PDZD8: variants seen among roughly 807,000 people sequenced by gnomAD.
PDZD8 encodes the protein PDZ domain-containing protein 8.
In PDZD8, 14 loss-of-function variants were observed where a neutral mutation model predicts 85.8. The observed-to-expected ratio is 0.16, with a 90% CI of 0.11 to 0.26. The LOEUF is 0.26. PDZD8 is among the 10% of genes least tolerant of loss of function. The pLI, the probability that PDZD8 is intolerant of heterozygous loss-of-function variation, is 1.00. For synonymous variants in PDZD8, 592 were observed against 568.6 expected (o/e 1.04, Z -0.59); for missense variants, 1,197 against 1,424.3 (o/e 0.84, Z 2.57).
chr10:117,353,840 A>C (rs951656297), intron 1 of PDZD8, among the ~76,000 whole-genome samples: 1 of 151,980 alleles, frequency 6.6e-6, no homozygotes, highest in African/African-American at 2.4e-5. Context: ...GAATTAGAAA[A>C]ATTGTTCTGT....
intron 2 of PDZD8, among the ~76,000 whole-genome samples, chr10:117,340,069 T>C (rs1364975940): frequency 6.6e-6 from 1 of 152,180 alleles, no homozygotes; most frequent in African/African-American, 2.4e-5. Context: ...AAGATATGAA[T>C]ATAGCTTAAA....
chr10:117,364,210 G>C (rs995356877), intron 1 of PDZD8, among the ~76,000 whole-genome samples: 4 of 151,484 alleles, frequency 2.6e-5, no homozygotes, highest in East Asian at 1.9e-4. Context: ...GTGTGTGTGA[G>C]AGTGTGTGTG....
rs193134121 is a variant in PDZD8 at position 117,315,332 on chromosome 10, T to G, written c.1098+3540A>C. Among the ~76,000 whole-genome samples, 5 of 152,238 alleles carry G rather than the reference T, an allele frequency of 3.3e-5. No individual in the cohort carries two copies. The East Asian group carries it at 9.7e-4, about 29-fold the overall frequency. On this transcript the variant is annotated intron_variant, in intron 3 of 4. Coordinates refer to ENST00000334464, the MANE Select transcript of PDZD8 (RefSeq NM_173791.5). ...GTCTGAGGCCAGGCGCGGTGGCTCA[T>G]GCCCACAATTCAAGCACTTTGTGGG...
intron 3 of PDZD8, among the ~76,000 whole-genome samples, chr10:117,308,366 G>GA (rs1843979620): frequency 6.6e-6 from 1 of 151,854 alleles, no homozygotes; most frequent in Admixed American, 6.6e-5. Flanking sequence ...ACTTGTACAA[G>GA]AAAAAATAAA....
Position 117,277,770 on chromosome 10 carries a change from C to T in PDZD8, c.*5498G>A, listed in dbSNP as rs2133751152. Reference sequence around the variant, plus strand: ...ATGTTATTTAACTTGTAGTTACTATCAATATATTTATGCGTTAAACAGCTA... The same window carrying T: ...ATGTTATTTAACTTGTAGTTACTATTAATATATTTATGCGTTAAACAGCTA... On this transcript the variant is annotated 3_prime_UTR_variant, in exon 5 of 5. Transcript: ENST00000334464. The T allele has an allele frequency of 6.6e-6, 1 of 152,294 alleles. No individual in the cohort carries two copies. Among genetic ancestry groups the T allele is most frequent in the Non-Finnish European group, 1.5e-5 (1 of 68,066 alleles). 9.4% of individuals were successfully genotyped at this position (152,294 alleles called of 1,614,324 possible).
Position 117,285,138 on chromosome 10 carries a change from T to C in PDZD8, c.1595A>G (p.Lys532Arg). The change falls in exon 5 of 5, where the codon AAA becomes AGA. Residue 532 changes from lysine to arginine, a missense_variant. Physicochemically the swap from Lys to Arg is conservative, Grantham distance 26 (BLOSUM62 2). Transcript: ENST00000334464. ...PKRVPTTLSI[K>R]PLGAISPVLN... ...AACTGGTGATATAGCTCCAAGGGGT[T>C]TAATAGAAAGTGTTGTTGGAACACG... 6.2e-7 allele frequency: 1 copy of C among 1,614,118 alleles called. No homozygotes were observed. The highest frequency in any genetic ancestry group is 1.3e-5 in the African/African-American group (1 of 75,048).
At chr10:117,294,003 A>G (rs1184819415) in intron 3 of PDZD8, among the ~76,000 whole-genome samples, 3 of 152,190 alleles carry the variant, frequency 2.0e-5, no homozygotes, top group African/African-American at 7.2e-5. Flanking sequence ...TTCAAATGAA[A>G]TGATGAAAAT....
chr10:117,344,744 A>G (rs959234646), intron 1 of PDZD8, among the ~76,000 whole-genome samples: 10 of 152,110 alleles, frequency 6.6e-5, no homozygotes, highest in Admixed American at 2.0e-4. Flanking sequence ...CACAGCTCTC[A>G]TTTGGTGGGC....
chr10:117,280,150 T>C lies in PDZD8; in HGVS notation c.*3118A>G, dbSNP rs762653788. The C allele has an allele frequency of 6.6e-6, 1 of 152,204 alleles. No homozygotes were observed. Among genetic ancestry groups the C allele is most frequent in the Admixed American group, 6.5e-5 (1 of 15,284 alleles). 9.4% of individuals were successfully genotyped at this position (152,204 alleles called of 1,614,324 possible). A position where few individuals can be genotyped will look rare whatever the true frequency, so the allele number is the denominator to read the frequency against. On this transcript the variant is annotated 3_prime_UTR_variant, in exon 5 of 5. Transcript: ENST00000334464. ...CCACTTATTTCAAGTACTTCTGATA[T>C]TGAATATAAGGCTTGATATGAAGAA...
intron 3 of PDZD8, among the ~76,000 whole-genome samples, chr10:117,315,034 G>A (rs1735692703): frequency 6.6e-6 from 1 of 152,122 alleles, no homozygotes; most frequent in Admixed American, 6.5e-5. Flanking sequence ...GAATAGGTGG[G>A]TGTTTGTACT....
At chr10:117,339,333 T>G (rs1383479603) in intron 2 of PDZD8, among the ~76,000 whole-genome samples, 1 of 152,184 alleles carries the variant, frequency 6.6e-6, no homozygotes, top group South Asian at 2.1e-4. Flanking sequence ...AGCCGGAGGA[T>G]AGTATACTTG....
At chr10:117,329,893 G>A (rs567095840) in intron 2 of PDZD8, among the ~76,000 whole-genome samples, 6 of 149,522 alleles carry the variant, frequency 4.0e-5, no homozygotes, top group African/African-American at 1.5e-4. Flanking sequence ...TTGCAGTGAG[G>A]CAAGACCAAG....
At chr10:117,333,180 G>A (rs969901177) in intron 2 of PDZD8, among the ~76,000 whole-genome samples, 3 of 138,788 alleles carry the variant, frequency 2.2e-5, no homozygotes, top group Non-Finnish European at 4.7e-5. Context: ...CAGAAAGACC[G>A]AGGAACTCTG....
Position 117,280,324 on chromosome 10 carries a change from A to C in PDZD8, c.*2944T>G, listed in dbSNP as rs1844559930. 1 of 152,218 alleles carries C rather than the reference A, an allele frequency of 6.6e-6. No individual in the cohort carries two copies. Among genetic ancestry groups the C allele is most frequent in the African/African-American group, 2.4e-5 (1 of 41,458 alleles). 9.4% of individuals were successfully genotyped at this position (152,218 alleles called of 1,614,324 possible). On this transcript the variant is annotated 3_prime_UTR_variant, in exon 5 of 5. Transcript: ENST00000334464. The stretch of plus-strand genomic sequence containing the variant: ...AAACCCATAAACTTGATAATCCATA[A>C]GGAAACAATAGTAAAAAAATGTTTT...
intron 1 of PDZD8, among the ~76,000 whole-genome samples, chr10:117,351,112 T>C (rs1240308835): frequency 6.6e-6 from 1 of 152,126 alleles, no homozygotes; most frequent in Non-Finnish European, 1.5e-5. Context: ...AAAACTACTT[T>C]GAAAATTGTA....
rs763316648 is a variant in PDZD8 at position 117,374,768 on chromosome 10, C to T, written c.460G>A (p.Val154Met). 1 of 1,612,864 alleles carries T rather than the reference C, an allele frequency of 6.2e-7. No individual in the cohort carries two copies. The highest frequency in any genetic ancestry group is 2.2e-5 in the East Asian group (1 of 44,816). Residue 154 changes from valine to methionine, a missense_variant, in exon 1 of 5, where the codon GTG (valine) becomes ATG (methionine). By Grantham distance (21) the Val-to-Met change is conservative. Coordinates refer to ENST00000334464, the MANE Select transcript of PDZD8 (RefSeq NM_173791.5). This position sits in a 1 kb window ranked among gnomAD's most constrained non-coding sequence, Gnocchi z 7.8. ...SLRDVFLGET[V>M]PFIKTIRLVR... The stretch of plus-strand genomic sequence containing the variant: ...AGCCGGATGGTCTTGATGAAGGGCA[C>T]CGTCTCGCCCAGGAACACGTCCCGC...
At chr10:117,307,200 A>G (rs1843958303) in intron 3 of PDZD8, among the ~76,000 whole-genome samples, 1 of 152,048 alleles carries the variant, frequency 6.6e-6, no homozygotes, top group African/African-American at 2.4e-5. Flanking sequence ...CTCTCTGGGT[A>G]GTGGAATTAT....
At chr10:117,318,395 A>G (rs1844167001) in intron 3 of PDZD8, among the ~76,000 whole-genome samples, 1 of 151,760 alleles carries the variant, frequency 6.6e-6, no homozygotes, top group South Asian at 2.1e-4. Context: ...AATGTAGATC[A>G]CCTCCTCCCT....
chr10:117,357,766 C>CAAAAAA (rs767138640), intron 1 of PDZD8, among the ~76,000 whole-genome samples: 4 of 47,470 alleles, frequency 8.4e-5, no homozygotes, highest in African/African-American at 2.8e-4. Context: ...ACTTCATCTC[C>CAAAAAA]AAAAAAAAAA....
Sources: allele counts gnomAD v4.1 joint callset (sites outside exome capture counted in the v4.1 genomes callset), GRCh38; gene constraint gnomAD v4.1.1; non-coding constraint Gnocchi (gnomAD v3.1); transcripts MANE v1.5; gene names NCBI Gene and HGNC (gene_info 2026-07-23, HGNC 2026-07-21).